Variants in GALNT6 observed in about 807,000 individuals in gnomAD.
GALNT6 encodes polypeptide N-acetylgalactosaminyltransferase 6.
Under a neutral mutation model 65.9 loss-of-function variants are expected in GALNT6, and 51 were observed. The observed-to-expected ratio is 0.77, with a 90% CI of 0.62 to 0.98. The LOEUF is 0.98. Among genes scored for constraint, GALNT6 ranks in the 50% least tolerant of loss-of-function variants. The pLI is 0.00. For missense variants in GALNT6, 708 were observed against 803.3 expected (o/e 0.88, Z 1.43); for synonymous variants, 323 against 315.1 (o/e 1.02, Z -0.26).
At position 51,387,456 on chromosome 12, in the gene GALNT6, C is replaced by G. The variant is rs759751093; in HGVS notation, c.-104+3394G>C. Among the ~76,000 whole-genome samples, 1 of 152,172 alleles carries G rather than the reference C, an allele frequency of 6.6e-6. No homozygotes were observed. Among genetic ancestry groups the G allele is most frequent in the Non-Finnish European group, 1.5e-5 (1 of 68,034 alleles). On this transcript the variant is annotated intron_variant, in intron 2 of 11. Transcript: ENST00000356317. The surrounding 1 kb of genome is among the most constrained non-coding windows in gnomAD (Gnocchi z 4.2). ...CAAACATGGATTTTCTATTGAAAAACTCAACCCAACTTTGCTCACCACTGT... is the reference window on the plus strand; with the variant it reads ...CAAACATGGATTTTCTATTGAAAAAGTCAACCCAACTTTGCTCACCACTGT...
chr12:51,386,559 A>G (rs957326105), intron 2 of GALNT6, among the ~76,000 whole-genome samples: 4 of 152,084 alleles, frequency 2.6e-5, no homozygotes, highest in Admixed American at 1.3e-4. Flanking sequence ...TGAGCTGGTC[A>G]CCTCCTTAGA....
At chr12:51,364,446 G>A (rs908833361) in intron 5 of GALNT6, 91 bp from the exon 6 acceptor site, 2 of 858,280 alleles carry the variant, frequency 2.3e-6, no homozygotes, top group Admixed American at 4.5e-5. Flanking sequence ...GAGGATAAGA[G>A]ACAGTCCACC....
intron 2 of GALNT6, among the ~76,000 whole-genome samples, chr12:51,386,112 C>T (rs950589489): frequency 2.6e-5 from 4 of 152,224 alleles, no homozygotes; most frequent in African/African-American, 9.6e-5. Flanking sequence ...ACTTGACTTA[C>T]AGGATATTCT....
At chr12:51,382,964 G>T (rs990619901) in intron 2 of GALNT6, among the ~76,000 whole-genome samples, 1 of 152,188 alleles carries the variant, frequency 6.6e-6, no homozygotes, top group South Asian at 2.1e-4. Context: ...CACTGACCAG[G>T]TGAAGGAAGC....
intron 4 of GALNT6, among the ~76,000 whole-genome samples, chr12:51,375,730 G>A (rs1010297621): frequency 6.6e-6 from 1 of 151,786 alleles, no homozygotes; most frequent in Non-Finnish European, 1.5e-5. Flanking sequence ...GCTAATTTTT[G>A]TATTTTTAGT....
rs752576413 is a variant in GALNT6, at chr12:51,360,714, C to T, written c.1167+7G>A. The T allele has an allele frequency of 1.3e-6, 2 of 1,538,228 alleles. No homozygotes were observed. The highest frequency in any genetic ancestry group is 9.0e-7 in the Non-Finnish European group (1 of 1,111,194). On this transcript the variant is annotated splice_region_variant and intron_variant, in intron 7 of 11. Coordinates refer to ENST00000356317, the MANE Select transcript of GALNT6 (RefSeq NM_007210.4). ...GTGGTTCCCCCCAAAGCCCTCTTCA[C>T]TCTCACCCGGAAGGACATTTCCACG...
In GALNT6 at chr12:51,379,590, A is replaced by G; in HGVS notation, c.192T>C (p.Leu64=). The G allele has an allele frequency of 6.2e-7, 1 of 1,613,922 alleles. No homozygotes were observed. The highest frequency in any genetic ancestry group is 8.5e-7 in the Non-Finnish European group (1 of 1,179,920). The part of the protein sequence containing the change: ...LDLMLEAMNN[L]RDSMPKLQIR... ...TTTGGAGCTTGGGCATTGAATCTCT[A>G]AGGTTGTTCATGGCCTCCAGCATGA... The change falls in exon 3 of 12, where the codon CTT becomes CTC. Residue 64 remains leucine (L), a synonymous_variant. Coordinates refer to ENST00000356317, the MANE Select transcript of GALNT6 (RefSeq NM_007210.4).
chr12:51,369,202 A>T (rs893385440), intron 4 of GALNT6, among the ~76,000 whole-genome samples: 1 of 152,150 alleles, frequency 6.6e-6, no homozygotes. Context: ...TGTGAACCTC[A>T]GGGGGGGCCC....
intron 11 of GALNT6, among the ~76,000 whole-genome samples, chr12:51,354,852 C>T (rs1367900503): frequency 6.6e-6 from 1 of 152,168 alleles, no homozygotes; most frequent in East Asian, 1.9e-4. Flanking sequence ...TAGACTGCTC[C>T]CTTCCCTGCA....
At position 51,354,398 on chromosome 12, in the gene GALNT6, T is replaced by G. The variant is rs1349797412; in HGVS notation, c.1850A>C (p.Gln617Pro). ...TGGGTCCTAGACAAAGAGCCACAAC[T>G]GATGGGGGTCACTGGGATTGCAGGG... ...MAPCNPSDPH[Q>P]LWLFV The change falls in exon 12 of 12, where the codon CAG (glutamine) becomes CCG (proline). Residue 617 changes from glutamine to proline, a missense_variant. Coordinates refer to ENST00000356317, the MANE Select transcript of GALNT6 (RefSeq NM_007210.4). The G allele has an allele frequency of 6.4e-7, 1 of 1,570,596 alleles. No homozygotes were observed. Among genetic ancestry groups the G allele is most frequent in the Non-Finnish European group, 8.6e-7 (1 of 1,162,188 alleles).
At chr12:51,361,481 A>ATT (rs1427623353) in intron 6 of GALNT6, among the ~76,000 whole-genome samples, 1 of 152,214 alleles carries the variant, frequency 6.6e-6, no homozygotes, top group African/African-American at 2.4e-5. Flanking sequence ...GAGAAAGCTG[A>ATT]TAAAAGGTGC....
intron 2 of GALNT6, among the ~76,000 whole-genome samples, chr12:51,383,260 G>C (rs1289399680): frequency 6.6e-6 from 1 of 152,146 alleles, no homozygotes; most frequent in Non-Finnish European, 1.5e-5. Flanking sequence ...ATCAGTTCTG[G>C]AACTGTCCCG....
At position 51,367,492 on chromosome 12, in the gene GALNT6, C is replaced by T. The variant is rs929494349; in HGVS notation, c.665-1913G>A. Among the ~76,000 whole-genome samples, 137 of 152,146 alleles carry T rather than the reference C, an allele frequency of 9.0e-4. 1 individual carries two copies. The highest frequency in any genetic ancestry group is 2.8e-3 in the African/African-American group (116 of 41,420). On this transcript the variant is annotated intron_variant, in intron 4 of 11. Coordinates refer to ENST00000356317, the MANE Select transcript of GALNT6 (RefSeq NM_007210.4). ...TGAAGCAGTCCATCTTGAAACATAC[C>T]GAATTCCAAACCTTACTATGTTTTA... is the stretch of plus-strand genomic sequence containing the variant.
chr12:51,359,159 A>T lies in GALNT6; in HGVS notation c.1341T>A (p.Asn447Lys), dbSNP rs780752141. ...CTTGGGCCATCTTTGCTGCCTGCAGATTTCTCCTATAGAAAATCTTCTTGT... is the reference window on the plus strand; with the variant it reads ...CTTGGGCCATCTTTGCTGCCTGCAGTTTTCTCCTATAGAAAATCTTCTTGT... ...DSYKKIFYRR[N>K]LQAAKMAQEK... The change falls in exon 8 of 12, where the codon AAT becomes AAA. Residue 447 changes from asparagine to lysine, a missense_variant. Transcript: ENST00000356317. 9 of 1,613,892 alleles carry T rather than the reference A, an allele frequency of 5.6e-6. No individual in the cohort carries two copies. In the East Asian group the frequency reaches 2.0e-4, roughly 36 times the overall value.
Position 51,387,105 on chromosome 12 carries a change from T to A in GALNT6, c.-104+3745A>T, listed in dbSNP as rs181765705. On this transcript the variant is annotated intron_variant, in intron 2 of 11. Coordinates refer to ENST00000356317, the MANE Select transcript of GALNT6 (RefSeq NM_007210.4). The surrounding 1 kb of genome is among the most constrained non-coding windows in gnomAD (Gnocchi z 4.2). ...AGGTTCATTTTATGTTTGCATAATT[T>A]TTTTTTTTTTGAGATGGAGTCTCAT... 2.7e-3 allele frequency among the ~76,000 whole-genome samples: 410 copies of A among 152,126 alleles called. 1 individual carries two copies. Among genetic ancestry groups the A allele is most frequent in the African/African-American group, 9.5e-3 (393 of 41,508 alleles).
At chr12:51,382,374 C>T (rs79700134) in intron 2 of GALNT6, 2,260 of 152,578 alleles carry the variant, frequency 0.015, 65 homozygotes, top group East Asian at 0.11. Context: ...ATGCAGGAAA[C>T]TCAGCAAATG....
rs1946656618 is a variant in GALNT6, at chr12:51,353,212, G to A, written c.*1167C>T. ...TCGTATCTGTAAAATAGGCACAGTGGTTTCTGTCCTGTCTTTCTCACAGGA... is the reference window on the plus strand; with the variant it reads ...TCGTATCTGTAAAATAGGCACAGTGATTTCTGTCCTGTCTTTCTCACAGGA... On this transcript the variant is annotated 3_prime_UTR_variant, in exon 12 of 12. Coordinates refer to ENST00000356317, the MANE Select transcript of GALNT6 (RefSeq NM_007210.4). 1 of 152,152 alleles carries A rather than the reference G, an allele frequency of 6.6e-6. No homozygotes were observed. Among genetic ancestry groups the A allele is most frequent in the African/African-American group, 2.4e-5 (1 of 41,422 alleles). 9.4% of individuals were successfully genotyped at this position (152,152 alleles called of 1,614,324 possible). A position where few individuals can be genotyped will look rare whatever the true frequency, so the allele number is the denominator to read the frequency against.
intron 4 of GALNT6, among the ~76,000 whole-genome samples, chr12:51,367,810 T>C (rs1429092668): frequency 6.6e-6 from 1 of 152,236 alleles, no homozygotes; most frequent in African/African-American, 2.4e-5. Flanking sequence ...GGTGTCTTCA[T>C]GGTGACTTCT....
Position 51,379,298 on chromosome 12 carries a change from G to T in GALNT6, c.484C>A (p.Pro162Thr). The T allele has an allele frequency of 2.0e-6, 3 of 1,522,252 alleles. No individual in the cohort carries two copies. Among genetic ancestry groups the T allele is most frequent in the Middle Eastern group, 1.8e-4 (1 of 5,614 alleles). 94.3% of individuals were successfully genotyped at this position (1,522,252 alleles called of 1,614,324 possible). Residue 162 changes from proline to threonine, a missense_variant, in exon 3 of 12, where the codon CCA (proline) becomes ACA (threonine). Pro to Thr is a conservative substitution (Grantham distance 38, BLOSUM62 -1). Transcript: ENST00000356317. Reference sequence around the variant, plus strand: ...ACTCTGGGTGCTACTTACTCAGGTGGTCGGGTGTCTGGCCCCAGGGACCTC... The same window carrying T: ...ACTCTGGGTGCTACTTACTCAGGTGTTCGGGTGTCTGGCCCCAGGGACCTC... ...LQRSLGPDTR[P>T]PECVDQKFRR... is the part of the protein sequence containing the mutation.
Sources: allele counts gnomAD v4.1 joint callset (sites outside exome capture counted in the v4.1 genomes callset), GRCh38; gene constraint gnomAD v4.1.1; non-coding constraint Gnocchi (gnomAD v3.1); transcripts MANE v1.5; gene names NCBI Gene and HGNC (gene_info 2026-07-23, HGNC 2026-07-21).